FHOD3: variants seen among roughly 807,000 people sequenced by gnomAD.
FHOD3 encodes the protein formin homology 2 domain containing 3.
A neutral mutation model predicts 173.0 loss-of-function variants in FHOD3; 90 were observed. That is an observed-to-expected ratio of 0.52 (90% CI 0.44 to 0.62). FHOD3 has a LOEUF of 0.62. FHOD3 is among the 20% of genes least tolerant of loss of function. The probability of loss-of-function intolerance (pLI) is 0.00; values close to 1 mark genes in which losing one functional copy is unlikely to be tolerated. For missense variants in FHOD3, 1,945 were observed against 2,034.7 expected (o/e 0.96, Z 0.85); for synonymous variants, 828 against 823.0 (o/e 1.01, Z -0.10).
In FHOD3 at chr18:36,517,620, A is replaced by G. The variant is rs73423289; in HGVS notation, c.511+5077A>G. Among the ~76,000 whole-genome samples the G allele has an allele frequency of 4.1e-3, 628 of 152,374 alleles. 5 individuals are homozygous for G. Among genetic ancestry groups the G allele is most frequent in the African/African-American group, 0.014 (603 of 41,590 alleles). On this transcript the variant is annotated intron_variant, in intron 5 of 28. Coordinates refer to ENST00000590592, the MANE Select transcript of FHOD3 (RefSeq NM_001281740.3). ...GAAATTTAATTTGGTCATTTCATCT[A>G]AACCAAAATACCAATTAATCATAAA...
At chr18:36,764,323 G>T (rs1193102758) in intron 27 of FHOD3, among the ~76,000 whole-genome samples, 1 of 152,208 alleles carries the variant, frequency 6.6e-6, no homozygotes, top group Non-Finnish European at 1.5e-5. Context: ...GTTTTGCAGT[G>T]TTGGGGGACA....
intron 10 of FHOD3, among the ~76,000 whole-genome samples, chr18:36,646,749 CAG>C (rs1275174226): frequency 3.9e-5 from 6 of 152,098 alleles, no homozygotes; most frequent in Non-Finnish European, 8.8e-5. Flanking sequence ...TAGAAGGACA[CAG>C]AGACTATCTT....
chr18:36,397,671 G>C (rs987660449), intron 3 of FHOD3, among the ~76,000 whole-genome samples: 2 of 152,076 alleles, frequency 1.3e-5, no homozygotes, highest in Non-Finnish European at 2.9e-5. Context: ...CCTAAAAATG[G>C]TTACTTAGAA....
At chr18:36,703,886 C>T (rs530879386) in intron 17 of FHOD3, among the ~76,000 whole-genome samples, 139 of 152,320 alleles carry the variant, frequency 9.1e-4, no homozygotes, top group Non-Finnish European at 1.5e-3. Flanking sequence ...GTTTCTCCCC[C>T]CTTCCATGGG....
At chr18:36,473,760 A>G (rs1451295759) in intron 3 of FHOD3, among the ~76,000 whole-genome samples, 4 of 152,238 alleles carry the variant, frequency 2.6e-5, no homozygotes, top group Non-Finnish European at 5.9e-5. Context: ...ATCATCTTTC[A>G]TCATTCTCAG....
chr18:36,681,398 G>C, intron 14 of FHOD3, 38 bp from the exon 15 acceptor site: 1 of 1,611,606 alleles, frequency 6.2e-7, no homozygotes, highest in Non-Finnish European at 8.5e-7. Flanking sequence ...TTTAATCACA[G>C]GCCAAGCAAC....
chr18:36,588,229 C>T (rs1393942719), intron 6 of FHOD3, among the ~76,000 whole-genome samples: 2 of 152,188 alleles, frequency 1.3e-5, no homozygotes, highest in Non-Finnish European at 2.9e-5. Flanking sequence ...GTTACGAAGG[C>T]TTTAGGGCAC....
intron 14 of FHOD3, among the ~76,000 whole-genome samples, chr18:36,658,529 A>C (rs975380609): frequency 6.6e-6 from 1 of 152,238 alleles, no homozygotes; most frequent in Non-Finnish European, 1.5e-5. Context: ...TTATATACAC[A>C]TCAGTTTTCA....
chr18:36,590,696 A>G (rs1222649988), intron 6 of FHOD3, among the ~76,000 whole-genome samples: 1 of 152,208 alleles, frequency 6.6e-6, no homozygotes, highest in African/African-American at 2.4e-5. Context: ...GATTTTTTTA[A>G]AAAAACAAAT....
intron 7 of FHOD3, among the ~76,000 whole-genome samples, chr18:36,596,335 T>C (rs1391004710): frequency 5.3e-5 from 7 of 132,612 alleles, no homozygotes; most frequent in Non-Finnish European, 8.0e-5. Context: ...TTTTTTTTTT[T>C]TTTTTTTTTT....
chr18:36,417,536 G>C (rs1568243996), intron 3 of FHOD3, among the ~76,000 whole-genome samples: 1 of 152,212 alleles, frequency 6.6e-6, no homozygotes, highest in Non-Finnish European at 1.5e-5. Context: ...ACGTGTGCAT[G>C]TGTCTTTATA....
chr18:36,304,312 A>G (rs546884067), intron 1 of FHOD3, among the ~76,000 whole-genome samples: 1 of 152,220 alleles, frequency 6.6e-6, no homozygotes, highest in African/African-American at 2.4e-5. Flanking sequence ...ATAAGAGACA[A>G]GTAGGTGAGT....
chr18:36,299,623 C>T (rs541888532), intron 1 of FHOD3, among the ~76,000 whole-genome samples: 2 of 152,308 alleles, frequency 1.3e-5, no homozygotes, highest in South Asian at 2.1e-4. Context: ...AACAGCCCCA[C>T]AGTCTTGATC....
chr18:36,525,355 C>T (rs940833000), intron 5 of FHOD3, among the ~76,000 whole-genome samples: 3 of 152,120 alleles, frequency 2.0e-5, no homozygotes, highest in African/African-American at 7.2e-5. Context: ...GAAATGAATT[C>T]TGCCAACAAC....
chr18:36,298,258 G>T (rs921754467), intron 1 of FHOD3, among the ~76,000 whole-genome samples: 12 of 151,972 alleles, frequency 7.9e-5, no homozygotes, highest in Admixed American at 2.0e-4. Flanking sequence ...GTGCCGAGCC[G>T]GTCCGAGGCG....
chr18:36,706,496 C>T (rs2039886360), intron 17 of FHOD3, among the ~76,000 whole-genome samples: 1 of 152,232 alleles, frequency 6.6e-6, no homozygotes, highest in Admixed American at 6.5e-5. Flanking sequence ...TTGTACTCCT[C>T]CCCCACAAGA....
At chr18:36,775,423 T>A (rs2043584660) in intron 28 of FHOD3, among the ~76,000 whole-genome samples, 1 of 152,168 alleles carries the variant, frequency 6.6e-6, no homozygotes, top group Non-Finnish European at 1.5e-5. Context: ...CAGTGTGGAC[T>A]GTGATCCAAA....
Position 36,516,367 on chromosome 18 carries a change from T to TG in FHOD3, c.511+3830dup, listed in dbSNP as rs1406756863. Among the ~76,000 whole-genome samples the TG allele has an allele frequency of 3.3e-5, 5 of 151,934 alleles. No individual in the cohort carries two copies. In the East Asian group the frequency reaches 7.7e-4, roughly 23 times the overall value. ...GGAAGCACAGAGGTCGGCCATGAGG[T>TG]GGGGGGAGAGGCAGACTGTGGGCAA... On this transcript the variant is annotated intron_variant, in intron 5 of 28. Transcript: ENST00000590592.
intron 3 of FHOD3, among the ~76,000 whole-genome samples, chr18:36,494,030 G>C (rs138987657): frequency 0.023 from 3,458 of 152,272 alleles, 59 homozygotes; most frequent in East Asian, 0.032. Context: ...GTTCTTGAAG[G>C]GGATTTTTGT....
Sources: allele counts gnomAD v4.1 joint callset (sites outside exome capture counted in the v4.1 genomes callset), GRCh38; gene constraint gnomAD v4.1.1; transcripts MANE v1.5; gene names NCBI Gene and HGNC (gene_info 2026-07-23, HGNC 2026-07-21).